MYLK4: variants seen among roughly 807,000 people sequenced by gnomAD.
The protein encoded by MYLK4 is myosin light chain kinase family member 4.
Under a neutral mutation model 48.1 loss-of-function variants are expected in MYLK4, and 46 were observed. The ratio of observed to expected loss-of-function variants is 0.96; its 90% CI spans 0.75 to 1.22. MYLK4 has a LOEUF of 1.22. Ranked by LOEUF, MYLK4 falls within the 50% of genes most tolerant of loss-of-function variation. The probability of loss-of-function intolerance (pLI) is 0.00; values close to 1 mark genes in which losing one functional copy is unlikely to be tolerated. For synonymous variants in MYLK4, 170 were observed against 180.8 expected (o/e 0.94, Z 0.48); for missense variants, 451 against 486.1 (o/e 0.93, Z 0.68).
At chr6:2,768,043 C>T in the MYLK4 span, among the ~76,000 whole-genome samples, 2 of 152,198 alleles carry the variant, frequency 1.3e-5, no homozygotes, top group East Asian at 1.9e-4. Context: ...ATATTAATAA[C>T]AGCATATACA....
At chr6:2,707,747 G>A (rs1054358486) in intron 2 of MYLK4, among the ~76,000 whole-genome samples, 3 of 151,970 alleles carry the variant, frequency 2.0e-5, no homozygotes, top group Non-Finnish European at 2.9e-5. Context: ...TAAAGAAAAC[G>A]AACCAAATAA....
the MYLK4 span, among the ~76,000 whole-genome samples, chr6:2,769,560 C>T: frequency 1.3e-5 from 2 of 152,140 alleles, no homozygotes; most frequent in Non-Finnish European, 2.9e-5. Context: ...CTCTACTGAG[C>T]CTTTTTTGAA....
At chr6:2,684,363 A>G (rs1761446230) in intron 6 of MYLK4, among the ~76,000 whole-genome samples, 2 of 152,172 alleles carry the variant, frequency 1.3e-5, no homozygotes, top group South Asian at 4.1e-4. Context: ...TTGATTGTTT[A>G]CTTCTGGAAT....
rs1207154463 is a variant in MYLK4 at position 2,750,776 on chromosome 6, T to C, written c.-153A>G. ...ATCGAAGAGCTTGAGCCACTCCAAG[T>C]CTAGAGCATACATTCCAGAAGATAA... On this transcript the variant is annotated 5_prime_UTR_variant, in exon 1 of 13. Transcript: ENST00000274643. The C allele has an allele frequency of 6.6e-6, 1 of 152,358 alleles. No homozygotes were observed. Among genetic ancestry groups the C allele is most frequent in the Non-Finnish European group, 1.5e-5 (1 of 68,040 alleles). The allele number at this position is 152,358 out of a possible 1,614,324, so 9.4% of individuals were successfully genotyped here.
In MYLK4 at chr6:2,707,524, C is replaced by T. The variant is rs202028316; in HGVS notation, c.160-14665G>A. On this transcript the variant is annotated intron_variant, in intron 2 of 12. Coordinates refer to ENST00000274643, the MANE Select transcript of MYLK4 (RefSeq NM_001012418.5). ...TTTGCTGTTGTTCATTTTCTATTCA[C>T]CCCCACAAAATTAATCATACTGGCA... is the stretch of plus-strand genomic sequence containing the variant. 2.6e-5 allele frequency among the ~76,000 whole-genome samples: 4 copies of T among 152,256 alleles called. No individual in the cohort carries two copies. The East Asian group carries it at 7.7e-4, about 29-fold the overall frequency.
chr6:2,762,501 C>A, the MYLK4 span, among the ~76,000 whole-genome samples: 1 of 152,064 alleles, frequency 6.6e-6, no homozygotes, highest in African/African-American at 2.4e-5. Flanking sequence ...ATCATGTGGC[C>A]ACGTTATCTC....
chr6:2,756,676 CT>C, the MYLK4 span, among the ~76,000 whole-genome samples: 1 of 152,214 alleles, frequency 6.6e-6, no homozygotes, highest in African/African-American at 2.4e-5. Context: ...ATGTAACCCC[CT>C]CCCACTGATA....
the MYLK4 span, chr6:2,765,861 T>C: frequency 6.9e-7 from 1 of 1,440,692 alleles, no homozygotes; most frequent in Non-Finnish European, 9.1e-7. Flanking sequence ...AGCTCGGCGC[T>C]GAAGCAGCCA....
chr6:2,685,232 G>A lies in MYLK4; in HGVS notation c.545+64C>T. On this transcript the variant is annotated intron_variant, in intron 6 of 12. Coordinates refer to ENST00000274643, the MANE Select transcript of MYLK4 (RefSeq NM_001012418.5). The surrounding 1 kb of genome is among the most constrained non-coding windows in gnomAD (Gnocchi z 4.5). The stretch of plus-strand genomic sequence containing the variant: ...CCCGCTACAGCAGGACGGAGCTACT[G>A]AGGCACGGTCACGGTCATGAGTGCC... 1.6e-6 allele frequency: 2 copies of A among 1,239,054 alleles called. No individual in the cohort carries two copies. Among genetic ancestry groups the A allele is most frequent in the East Asian group, 2.4e-5 (1 of 42,502 alleles). 76.8% of individuals were successfully genotyped at this position (1,239,054 alleles called of 1,614,324 possible).
chr6:2,727,449 T>G (rs528498700), intron 2 of MYLK4, among the ~76,000 whole-genome samples: 2 of 152,180 alleles, frequency 1.3e-5, no homozygotes, highest in Non-Finnish European at 2.9e-5. Context: ...GGAGGGGCCC[T>G]GATCCCTGCC....
chr6:2,694,575 CT>C (rs1234122380), intron 2 of MYLK4, among the ~76,000 whole-genome samples: 2 of 39,484 alleles, frequency 5.1e-5, no homozygotes, highest in Admixed American at 2.7e-4. Context: ...AGTGGTAGTG[CT>C]GCTGGTGGTG....
chr6:2,682,952 T>C (rs777038128), intron 7 of MYLK4, 69 bp downstream of exon 7: 2 of 1,570,266 alleles, frequency 1.3e-6, no homozygotes, highest in Non-Finnish European at 1.8e-6. Flanking sequence ...TGGCATATAA[T>C]AGCAGACAGG....
chr6:2,732,103 A>G (rs1392128360), intron 2 of MYLK4, among the ~76,000 whole-genome samples: 1 of 152,258 alleles, frequency 6.6e-6, no homozygotes, highest in Non-Finnish European at 1.5e-5. Context: ...TCTAAGACGT[A>G]TGCTGGCCTT....
intron 2 of MYLK4, among the ~76,000 whole-genome samples, chr6:2,700,431 C>T (rs956295314): frequency 3.9e-5 from 6 of 152,156 alleles, no homozygotes; most frequent in East Asian, 3.8e-4. Context: ...CTGTCGCCTC[C>T]GGTCACTCTG....
intron 2 of MYLK4, among the ~76,000 whole-genome samples, chr6:2,733,177 T>A (rs1241749299): frequency 6.6e-6 from 1 of 152,198 alleles, no homozygotes; most frequent in Non-Finnish European, 1.5e-5. Flanking sequence ...CAACCACATA[T>A]TAGGCCTTTT....
At chr6:2,738,442 T>C (rs922472891) in intron 2 of MYLK4, among the ~76,000 whole-genome samples, 2 of 152,266 alleles carry the variant, frequency 1.3e-5, no homozygotes, top group Non-Finnish European at 2.9e-5. Flanking sequence ...AGTTCCAGTG[T>C]AGTCTTTCCT....
chr6:2,729,927 C>T (rs1276791935), intron 2 of MYLK4, among the ~76,000 whole-genome samples: 5 of 152,242 alleles, frequency 3.3e-5, no homozygotes. Flanking sequence ...GACAGAAACA[C>T]AGTTGGCGGT....
At chr6:2,744,464 G>GA (rs1237567745) in intron 2 of MYLK4, among the ~76,000 whole-genome samples, 3 of 152,196 alleles carry the variant, frequency 2.0e-5, no homozygotes, top group African/African-American at 7.2e-5. Flanking sequence ...AATGCAACTT[G>GA]AAAAATCACA....
intron 2 of MYLK4, among the ~76,000 whole-genome samples, chr6:2,704,006 C>T (rs1762398180): frequency 6.6e-6 from 1 of 152,194 alleles, no homozygotes; most frequent in Admixed American, 6.5e-5. Flanking sequence ...AGTCCACCTT[C>T]TCTCTGCCTC....
Sources: gnomAD v4.1 joint callset for allele counts (sites outside exome capture counted in the v4.1 genomes callset) on GRCh38, gnomAD v4.1.1 for gene constraint, Gnocchi (gnomAD v3.1) non-coding constraint, MANE v1.5 for transcripts, NCBI Gene and HGNC (gene_info 2026-07-23, HGNC 2026-07-21) for gene names.